Variants in SPIN1 observed in about 807,000 individuals in gnomAD.
SPIN1 encodes spindlin 1.
A neutral mutation model predicts 26.0 loss-of-function variants in SPIN1; 3 were observed. That is an observed-to-expected ratio of 0.12 (90% CI 0.05 to 0.30). The LOEUF (loss-of-function observed/expected upper bound fraction) is 0.30. Ranked by LOEUF, SPIN1 falls within the 10% of genes least tolerant of loss-of-function variation. SPIN1 has a pLI of 1.00. For synonymous variants in SPIN1, 101 were observed against 116.5 expected (o/e 0.87, Z 0.86); for missense variants, 126 against 333.4 (o/e 0.38, Z 4.84).
At chr9:88,403,680 C>G (rs1425810078) in intron 1 of SPIN1, among the ~76,000 whole-genome samples, 3 of 152,132 alleles carry the variant, frequency 2.0e-5, no homozygotes, top group Non-Finnish European at 4.4e-5. Context: ...TACCGCTGCA[C>G]TTAGCCTGGG....
At chr9:88,436,718 CTTAGTAATTAATA>C (rs1204015874) in intron 2 of SPIN1, among the ~76,000 whole-genome samples, 1 of 144,428 alleles carries the variant, frequency 6.9e-6, no homozygotes, top group African/African-American at 2.5e-5. Flanking sequence ...GATTCGTTCA[CTTAGTAATTAATA>C]TGCACATAAA....
chr9:88,466,584 G>A (rs1021314534), intron 4 of SPIN1, among the ~76,000 whole-genome samples: 4 of 152,064 alleles, frequency 2.6e-5, no homozygotes, highest in Admixed American at 6.6e-5. Flanking sequence ...TTATTACTGC[G>A]TACTTAAAAC....
At chr9:88,472,860 T>C (rs1203085799) in intron 5 of SPIN1, among the ~76,000 whole-genome samples, 1 of 152,252 alleles carries the variant, frequency 6.6e-6, no homozygotes, top group African/African-American at 2.4e-5. Context: ...ATGAATTGAA[T>C]TGTTTTCTTA....
intron 1 of SPIN1, among the ~76,000 whole-genome samples, chr9:88,392,722 G>T (rs992730925): frequency 6.6e-6 from 1 of 151,844 alleles, no homozygotes; most frequent in East Asian, 1.9e-4. Context: ...AGCAGGGGAC[G>T]AGAACACCTA....
intron 3 of SPIN1, among the ~76,000 whole-genome samples, chr9:88,449,509 T>G (rs555567127): frequency 6.6e-6 from 1 of 152,300 alleles, no homozygotes; most frequent in South Asian, 2.1e-4. Context: ...GCAATAGCCA[T>G]CTACGTAAAC....
At chr9:88,461,558 CTT>C (rs1354943811) in intron 3 of SPIN1, among the ~76,000 whole-genome samples, 2 of 152,030 alleles carry the variant, frequency 1.3e-5, no homozygotes, top group African/African-American at 4.8e-5. Context: ...TTCTTTAAAA[CTT>C]ATTTGTGTTA....
At chr9:88,404,227 G>A (rs917077266) in intron 1 of SPIN1, among the ~76,000 whole-genome samples, 3 of 152,206 alleles carry the variant, frequency 2.0e-5, no homozygotes, top group Admixed American at 2.0e-4. Flanking sequence ...TGAGTGGTGA[G>A]TGAATGTGAA....
intron 5 of SPIN1, among the ~76,000 whole-genome samples, chr9:88,469,649 G>A (rs909274929): frequency 1.3e-5 from 2 of 152,010 alleles, no homozygotes; most frequent in Admixed American, 1.3e-4. Flanking sequence ...CAAGTGGCTG[G>A]GACTGCAGGC....
chr9:88,471,262 T>C (rs1472976516), intron 5 of SPIN1, among the ~76,000 whole-genome samples: 1 of 152,166 alleles, frequency 6.6e-6, no homozygotes, highest in Admixed American at 6.5e-5. Flanking sequence ...AGTTAATTTT[T>C]GTTTGTGGTT....
At position 88,475,299 on chromosome 9, in the gene SPIN1, A is replaced by T; in HGVS notation, c.*22A>T. ...CTAGATGTCATCACAAACTCTGCCAAATTTGTGGAACTATGAAATGTATTA... is the reference window on the plus strand; with the variant it reads ...CTAGATGTCATCACAAACTCTGCCATATTTGTGGAACTATGAAATGTATTA... On this transcript the variant is annotated 3_prime_UTR_variant, in exon 6 of 6. Transcript: ENST00000375859. The T allele has an allele frequency of 6.2e-7, 1 of 1,603,942 alleles. No individual in the cohort carries two copies. Among genetic ancestry groups the T allele is most frequent in the Non-Finnish European group, 8.5e-7 (1 of 1,172,508 alleles).
intron 5 of SPIN1, among the ~76,000 whole-genome samples, chr9:88,469,667 G>A (rs11142309): frequency 1.3e-5 from 2 of 151,970 alleles, no homozygotes; most frequent in Non-Finnish European, 2.9e-5. Flanking sequence ...GGCACCCACC[G>A]CCACACCTGG....
intron 1 of SPIN1, among the ~76,000 whole-genome samples, chr9:88,393,444 G>GTTT (rs1385162267): frequency 1.7e-5 from 2 of 116,608 alleles, no homozygotes; most frequent in South Asian, 2.8e-4. Flanking sequence ...CTTGCTTTTG[G>GTTT]GTTTTTTTTT....
At position 88,426,493 on chromosome 9, in the gene SPIN1, T is replaced by C; in HGVS notation, c.-47T>C. 6.5e-7 allele frequency: 1 copy of C among 1,532,560 alleles called. No homozygotes were observed. Among genetic ancestry groups the C allele is most frequent in the Non-Finnish European group, 9.0e-7 (1 of 1,114,276 alleles). The allele number at this position is 1,532,560 out of a possible 1,614,324, so 94.9% of individuals were successfully genotyped here. Reference sequence around the variant, plus strand: ...AAGTTTCAAATTGGAGAATATTGAATTTTCACCCTAGTCCAGCAGCTCCGC... The same window carrying C: ...AAGTTTCAAATTGGAGAATATTGAACTTTCACCCTAGTCCAGCAGCTCCGC... On this transcript the variant is annotated 5_prime_UTR_variant, in exon 2 of 6. Transcript: ENST00000375859.
rs1310865922 is a variant in SPIN1, at chr9:88,475,344, G to A, written c.*67G>A. The A allele has an allele frequency of 1.3e-6, 2 of 1,509,404 alleles. No individual in the cohort carries two copies. The highest frequency in any genetic ancestry group is 1.8e-6 in the Non-Finnish European group (2 of 1,102,356). 93.5% of individuals were successfully genotyped at this position (1,509,404 alleles called of 1,614,324 possible). A position where few individuals can be genotyped will look rare whatever the true frequency, so the allele number is the denominator to read the frequency against. On this transcript the variant is annotated 3_prime_UTR_variant, in exon 6 of 6. Coordinates refer to ENST00000375859, the MANE Select transcript of SPIN1 (RefSeq NM_006717.3). ...GTATTATTTGTAGACATAAAGACTT[G>A]ATTGCTTTCCAGTTTAATGAAAGCT...
At chr9:88,450,135 T>A (rs1478117195) in intron 3 of SPIN1, among the ~76,000 whole-genome samples, 1 of 152,250 alleles carries the variant, frequency 6.6e-6, no homozygotes, top group Non-Finnish European at 1.5e-5. Flanking sequence ...GTGCTCATCA[T>A]CTTCATGGTT....
At chr9:88,461,135 T>C (rs1420130414) in intron 3 of SPIN1, among the ~76,000 whole-genome samples, 1 of 152,236 alleles carries the variant, frequency 6.6e-6, no homozygotes, top group Admixed American at 6.5e-5. Context: ...TGTCATACTT[T>C]CTGAGACCTG....
chr9:88,399,721 A>G (rs1203051120), intron 1 of SPIN1, among the ~76,000 whole-genome samples: 2 of 152,144 alleles, frequency 1.3e-5, no homozygotes, highest in Non-Finnish European at 2.9e-5. Context: ...TTGCTGCACA[A>G]AAATCTCTTG....
At chr9:88,409,105 C>A (rs1032069800) in intron 1 of SPIN1, among the ~76,000 whole-genome samples, 1 of 151,874 alleles carries the variant, frequency 6.6e-6, no homozygotes, top group Non-Finnish European at 1.5e-5. Context: ...AAGAGATTCT[C>A]TTGACTTAGC....
chr9:88,403,983 C>T (rs903168961), intron 1 of SPIN1, among the ~76,000 whole-genome samples: 1 of 152,146 alleles, frequency 6.6e-6, no homozygotes, highest in African/African-American at 2.4e-5. Context: ...ATGGTGTAGC[C>T]TTTGACACAC....
Sources: allele counts gnomAD v4.1 joint callset (sites outside exome capture counted in the v4.1 genomes callset), GRCh38; gene constraint gnomAD v4.1.1; transcripts MANE v1.5; gene names NCBI Gene and HGNC (gene_info 2026-07-23, HGNC 2026-07-21).